The following CHAF1A variants were observed in gnomAD, a reference collection of about 807,000 sequenced individuals.
CHAF1A encodes the protein chromatin assembly factor 1 subunit A.
Under a neutral mutation model 93.2 loss-of-function variants are expected in CHAF1A, and 5 were observed. The ratio of observed to expected loss-of-function variants is 0.05; its 90% CI spans 0.03 to 0.11. CHAF1A has a LOEUF of 0.11. CHAF1A is among the 10% of genes least tolerant of loss of function. CHAF1A has a pLI of 1.00. For synonymous variants in CHAF1A, 504 were observed against 510.3 expected, an observed-to-expected ratio of 0.99 and a Z score of 0.17; for missense variants, 1,102 against 1,259.9, an observed-to-expected ratio of 0.87 and a Z score of 1.90.
chr19:4,440,260 C>G (rs1974361543), intron 13 of CHAF1A, among the ~76,000 whole-genome samples: 1 of 152,050 alleles, frequency 6.6e-6, no homozygotes, highest in Non-Finnish European at 1.5e-5. Context: ...CTCATGGTGG[C>G]CTCTACGCAT....
chr19:4,423,377 G>T lies in CHAF1A; in HGVS notation c.1290G>T (p.Arg430=). ...AAAGGAAAAAGGAAGAAGAGAAACG[G>T]TTAAGAGAAGAAGAGAAGGTAGAGT... The part of the protein sequence containing the change: ...EEKRKKEEEK[R]LREEEKRIKA... Residue 430 remains arginine (R), a synonymous_variant, in exon 6 of 15, where the codon CGG becomes CGT. Coordinates refer to ENST00000301280, the MANE Select transcript of CHAF1A (RefSeq NM_005483.3). 6.2e-6 allele frequency: 10 copies of T among 1,614,128 alleles called. No individual in the cohort carries two copies. Among genetic ancestry groups the T allele is most frequent in the Non-Finnish European group, 8.5e-6 (10 of 1,179,966 alleles).
chr19:4,418,781 G>C (rs1332386195), intron 4 of CHAF1A, among the ~76,000 whole-genome samples: 1 of 152,068 alleles, frequency 6.6e-6, no homozygotes, highest in African/African-American at 2.4e-5. Flanking sequence ...TCGATGGGTG[G>C]TTATCCTTTA....
chr19:4,408,830 C>T, intron 2 of CHAF1A, 73 bp from the exon 3 acceptor site: 1 of 1,513,332 alleles, frequency 6.6e-7, no homozygotes, highest in Non-Finnish European at 8.9e-7. Context: ...CCCAACAAAT[C>T]AGTAATTTTC....
chr19:4,417,969 C>G (rs761751650), intron 3 of CHAF1A, 51 bp from the exon 4 acceptor site: 3 of 1,338,158 alleles, frequency 2.2e-6, no homozygotes, highest in Admixed American at 2.1e-5. Flanking sequence ...CTCTTTTTCT[C>G]GAAGCAATTG....
intron 3 of CHAF1A, among the ~76,000 whole-genome samples, chr19:4,415,021 A>G (rs896600135): frequency 3.3e-5 from 5 of 152,300 alleles, no homozygotes; most frequent in Non-Finnish European, 5.9e-5. Flanking sequence ...AGGAATTTTC[A>G]TGCCCACACA....
At position 4,422,817 on chromosome 19, in the gene CHAF1A, G is replaced by T; in HGVS notation, c.1247+22G>T. On this transcript the variant is annotated intron_variant, in intron 5 of 14. Coordinates refer to ENST00000301280, the MANE Select transcript of CHAF1A (RefSeq NM_005483.3). The surrounding 1 kb of genome is among the most constrained non-coding windows in gnomAD (Gnocchi z 4.6). ...TGGAGTGAGTGTCCTTGGAGGCCAT[G>T]CTGGGCCCGCCACCCTGCTGCTGGA... The T allele has an allele frequency of 6.2e-7, 1 of 1,605,518 alleles. No homozygotes were observed. Among genetic ancestry groups the T allele is most frequent in the Non-Finnish European group, 8.5e-7 (1 of 1,174,434 alleles).
intron 2 of CHAF1A, 57 bp from the exon 3 acceptor site, chr19:4,408,846 C>T (rs1973734476): frequency 1.3e-6 from 2 of 1,538,762 alleles, no homozygotes; most frequent in Admixed American, 2.2e-5. Flanking sequence ...TTTTCAAGCT[C>T]ATGAGTGGTT....
At chr19:4,437,398 G>A (rs543699035) in intron 13 of CHAF1A, among the ~76,000 whole-genome samples, 3 of 152,196 alleles carry the variant, frequency 2.0e-5, no homozygotes, top group African/African-American at 7.2e-5. Context: ...TACCTAGGCC[G>A]GAGTGCAATG....
chr19:4,433,596 T>C lies in CHAF1A; in HGVS notation c.2673+57T>C, dbSNP rs1974230767. ...CAGGGCTTTTCTTTTTTTGTTTGTT[T>C]TTTGTTGTTTTGTTTTTTTTTCGAG... On this transcript the variant is annotated intron_variant, in intron 13 of 14. Transcript: ENST00000301280. This position sits in a 1 kb window ranked among gnomAD's most constrained non-coding sequence, Gnocchi z 5.6. The C allele has an allele frequency of 3.6e-6, 5 of 1,384,536 alleles. No individual in the cohort carries two copies. The African/African-American group carries it at 7.3e-5, about 20-fold the overall frequency. 85.8% of individuals were successfully genotyped at this position (1,384,536 alleles called of 1,614,324 possible).
At chr19:4,405,362 C>A (rs904169028) in intron 1 of CHAF1A, among the ~76,000 whole-genome samples, 1 of 152,178 alleles carries the variant, frequency 6.6e-6, no homozygotes, top group Non-Finnish European at 1.5e-5. Flanking sequence ...CCGTGGCCAG[C>A]ACTTTGGGAG....
At chr19:4,439,913 C>T (rs1423438991) in intron 13 of CHAF1A, among the ~76,000 whole-genome samples, 1 of 152,146 alleles carries the variant, frequency 6.6e-6, no homozygotes, top group Non-Finnish European at 1.5e-5. Context: ...TCTCCTGTGT[C>T]CTCACAGGGT....
intron 13 of CHAF1A, among the ~76,000 whole-genome samples, chr19:4,439,060 C>T (rs970208009): frequency 6.6e-6 from 1 of 151,866 alleles, no homozygotes; most frequent in Non-Finnish European, 1.5e-5. Flanking sequence ...GCAGGCGGAT[C>T]ACTTGAGAGG....
chr19:4,407,957 A>T (rs796885187), intron 2 of CHAF1A, among the ~76,000 whole-genome samples: 4 of 152,160 alleles, frequency 2.6e-5, no homozygotes, highest in African/African-American at 9.6e-5. Context: ...AAAGAAAAAA[A>T]AATAAGTAAA....
chr19:4,442,213 A>G (rs757733585), intron 13 of CHAF1A, 32 bp from the exon 14 acceptor site: 2 of 1,594,312 alleles, frequency 1.3e-6, no homozygotes, highest in Non-Finnish European at 1.7e-6. Context: ...TGCTGCCTGC[A>G]GTGCTGATGG....
rs755735606 is a variant in CHAF1A at position 4,409,507 on chromosome 19, G to A, written c.708G>A (p.Lys236=). 2.5e-6 allele frequency: 4 copies of A among 1,614,146 alleles called. No individual in the cohort carries two copies. The Middle Eastern group carries it at 4.9e-4, about 200-fold the overall frequency. Residue 236 remains lysine (K), a synonymous_variant, in exon 3 of 15, where the codon AAG becomes AAA. Coordinates refer to ENST00000301280, the MANE Select transcript of CHAF1A (RefSeq NM_005483.3). ...SEAGGILFKG[K]VPMVVLQDIL... is the part of the protein sequence containing the mutation. The stretch of plus-strand genomic sequence containing the variant: ...CTGGGGGCATCCTGTTCAAAGGGAA[G>A]GTGCCTATGGTGGTCTTGCAGGACA...
chr19:4,412,435 G>T (rs1185483030), intron 3 of CHAF1A, among the ~76,000 whole-genome samples: 1 of 152,136 alleles, frequency 6.6e-6, no homozygotes, highest in African/African-American at 2.4e-5. Flanking sequence ...TCCCAGCTAC[G>T]CCGGAGGCTG....
At chr19:4,411,644 C>CATTTTTTTTTTTTTTTTTTTTT (rs1973801817) in intron 3 of CHAF1A, among the ~76,000 whole-genome samples, 1 of 48,204 alleles carries the variant, frequency 2.1e-5, no homozygotes, top group Non-Finnish European at 4.1e-5. Flanking sequence ...TGGTGCAAAT[C>CATTTTTTTTTTTTTTTTTTTTT]TTTTTTTTTT....
At chr19:4,414,806 G>A (rs1973869408) in intron 3 of CHAF1A, among the ~76,000 whole-genome samples, 1 of 152,174 alleles carries the variant, frequency 6.6e-6, no homozygotes, top group Non-Finnish European at 1.5e-5. Context: ...GGTCTTGGTA[G>A]CTCAAGGCAA....
chr19:4,403,516 A>G (rs1973625713), intron 1 of CHAF1A, among the ~76,000 whole-genome samples: 1 of 152,266 alleles, frequency 6.6e-6, no homozygotes, highest in Non-Finnish European at 1.5e-5. Context: ...GTAGGTGCTC[A>G]GTAAATAACG....
Sources: gnomAD v4.1 joint callset for allele counts (sites outside exome capture counted in the v4.1 genomes callset) on GRCh38, gnomAD v4.1.1 for gene constraint, Gnocchi (gnomAD v3.1) non-coding constraint, MANE v1.5 for transcripts, NCBI Gene and HGNC (gene_info 2026-07-23, HGNC 2026-07-21) for gene names.